Variants in TP53INP1 observed in about 807,000 individuals in gnomAD.
TP53INP1 encodes tumor protein p53-inducible nuclear protein 1.
TP53INP1 carries 12 observed loss-of-function variants against 21.0 expected under a neutral mutation model. The observed-to-expected ratio is 0.57, with a 90% CI of 0.37 to 0.93. The LOEUF (loss-of-function observed/expected upper bound fraction) is 0.93. Ranked by LOEUF, TP53INP1 falls within the 40% of genes least tolerant of loss-of-function variation. The pLI is 0.01. For synonymous variants in TP53INP1, 91 were observed against 94.8 expected, an observed-to-expected ratio of 0.96 and a Z score of 0.23; for missense variants, 274 against 294.7, an observed-to-expected ratio of 0.93 and a Z score of 0.51.
Position 94,939,501 on chromosome 8 carries a change from T to C in TP53INP1, c.473+359A>G, listed in dbSNP as rs1439244783. Among the ~76,000 whole-genome samples the C allele has an allele frequency of 6.6e-5, 10 of 152,312 alleles. No homozygotes were observed. The East Asian group carries it at 1.7e-3, about 26-fold the overall frequency. On this transcript the variant is annotated intron_variant, in intron 3 of 3. Transcript: ENST00000342697. ...AACCTCTGCCTCCTGGTTCAAGCCATCCTCCCACCTCAGCCTCCTGAGTAG... is the reference window on the plus strand; with the variant it reads ...AACCTCTGCCTCCTGGTTCAAGCCACCCTCCCACCTCAGCCTCCTGAGTAG...
intron 1 of TP53INP1, chr8:94,945,679 A>G (rs988340495): frequency 1.3e-5 from 2 of 152,218 alleles, no homozygotes; most frequent in African/African-American, 4.8e-5. Context: ...TAATATTCAC[A>G]ATGCTAGGGC....
intron 1 of TP53INP1, among the ~76,000 whole-genome samples, chr8:94,946,712 A>AAAAAAAAAAAAAAAAAAAAC (rs1563736816): frequency 6.7e-6 from 1 of 148,312 alleles, no homozygotes. Context: ...AAAAAAAAAA[A>AAAAAAAAAAAAAAAAAAAAC]AAAAAAAAGA....
intron 1 of TP53INP1, 53 bp from the exon 2 acceptor site, chr8:94,941,144 C>T: frequency 1.8e-6 from 1 of 559,944 alleles, no homozygotes; most frequent in Non-Finnish European, 3.2e-6. Context: ...CACATATATA[C>T]ATAAGTACAT....
intron 1 of TP53INP1, among the ~76,000 whole-genome samples, chr8:94,942,282 C>T (rs560547531): frequency 1.4e-4 from 21 of 152,062 alleles, no homozygotes; most frequent in Non-Finnish European, 2.2e-4. Context: ...CCTCATGATC[C>T]GCCCACCTCA....
At chr8:94,943,473 C>T (rs10112447) in intron 1 of TP53INP1, among the ~76,000 whole-genome samples, 93,537 of 151,998 alleles carry the variant, frequency 0.62, 30,001 homozygotes, top group East Asian at 0.79. Flanking sequence ...AGTGACACAG[C>T]GAGACCTTGT....
chr8:94,938,123 T>A (rs993766224), intron 3 of TP53INP1, among the ~76,000 whole-genome samples: 12 of 152,218 alleles, frequency 7.9e-5, no homozygotes, highest in Non-Finnish European at 1.6e-4. Flanking sequence ...TAAGCTCAGG[T>A]ATACCAGATG....
intron 3 of TP53INP1, among the ~76,000 whole-genome samples, chr8:94,938,845 G>A (rs1011795): frequency 0.62 from 94,599 of 152,114 alleles, 30,444 homozygotes; most frequent in East Asian, 0.79. Flanking sequence ...GGAAGGGGTC[G>A]TGGGAACACC....
At chr8:94,937,348 G>C (rs1465948610) in intron 3 of TP53INP1, among the ~76,000 whole-genome samples, 1 of 151,684 alleles carries the variant, frequency 6.6e-6, no homozygotes, top group Non-Finnish European at 1.5e-5. Context: ...GGCTGAGAAA[G>C]GAGAATCACT....
intron 3 of TP53INP1, chr8:94,932,039 T>TA (rs769926486): frequency 5.6e-6 from 9 of 1,600,994 alleles, no homozygotes; most frequent in Non-Finnish European, 6.8e-6. Flanking sequence ...TGCATACATA[T>TA]ATCACACAGT....
rs1443933236 is a variant in TP53INP1, at chr8:94,949,358, T to C, written c.-355A>G. Reference sequence around the variant, plus strand: ...AGGCCGGCCAGTCCAAGTCCTTTTGTTGTTGTGCAGCGCTCGCAACAGCTG... The same window carrying C: ...AGGCCGGCCAGTCCAAGTCCTTTTGCTGTTGTGCAGCGCTCGCAACAGCTG... On this transcript the variant is annotated 5_prime_UTR_variant, in exon 1 of 4. Coordinates refer to ENST00000342697, the MANE Select transcript of TP53INP1 (RefSeq NM_033285.4). 2.0e-5 allele frequency: 3 copies of C among 150,470 alleles called. No homozygotes were observed. In the East Asian group the frequency reaches 5.9e-4, roughly 30 times the overall value. The allele number at this position is 150,470 out of a possible 1,614,324, so 9.3% of individuals were successfully genotyped here.
In TP53INP1 at chr8:94,940,027, T is replaced by C; in HGVS notation, c.306A>G (p.Pro102=). The change falls in exon 3 of 4, where the codon CCA becomes CCG. Residue 102 remains proline (P), a synonymous_variant. Transcript: ENST00000342697. Reference sequence around the variant, plus strand: ...TGGTTAATCCACCTGCAGTAAAACATGGGGGTGGGGTGATAAACCAGCTCT... The same window carrying C: ...TGGTTAATCCACCTGCAGTAAAACACGGGGGTGGGGTGATAAACCAGCTCT... The part of the protein sequence containing the change: ...MEESWFITPP[P]CFTAGGLTTI... 5.0e-6 allele frequency: 8 copies of C among 1,614,092 alleles called. No individual in the cohort carries two copies. The highest frequency in any genetic ancestry group is 6.8e-6 in the Non-Finnish European group (8 of 1,180,014).
Position 94,948,830 on chromosome 8 carries a change from G to C in TP53INP1, c.-151+324C>G, listed in dbSNP as rs548749470. Among the ~76,000 whole-genome samples, 8 of 152,188 alleles carry C rather than the reference G, an allele frequency of 5.3e-5. No individual in the cohort carries two copies. In the East Asian group the frequency reaches 9.7e-4, roughly 18 times the overall value. On this transcript the variant is annotated intron_variant, in intron 1 of 3. Coordinates refer to ENST00000342697, the MANE Select transcript of TP53INP1 (RefSeq NM_033285.4). ...GCGGCCAAGAAAACAAGCCACGCTC[G>C]GGGGAGGAGGCAGAGACCAAACTCC...
intron 3 of TP53INP1, among the ~76,000 whole-genome samples, chr8:94,935,639 G>A (rs1820906913): frequency 2.6e-5 from 4 of 152,156 alleles, no homozygotes; most frequent in Non-Finnish European, 4.4e-5. Flanking sequence ...AAATGGTCGG[G>A]GTGGTGAAGA....
At chr8:94,939,047 G>A (rs968175766) in intron 3 of TP53INP1, among the ~76,000 whole-genome samples, 2 of 152,158 alleles carry the variant, frequency 1.3e-5, no homozygotes, top group Non-Finnish European at 2.9e-5. Flanking sequence ...CTGTTTGCCT[G>A]GTGTGTGGAA....
intron 1 of TP53INP1, chr8:94,945,364 T>C (rs1341521866): frequency 6.6e-6 from 1 of 152,214 alleles, no homozygotes; most frequent in African/African-American, 2.4e-5. Flanking sequence ...AAAAAATAAT[T>C]TTAGTATATT....
At position 94,940,910 on chromosome 8, in the gene TP53INP1, C is replaced by T; in HGVS notation, c.32G>A (p.Gly11Asp). Reference protein sequence around the residue: MFQRLNKMFVGEVSSSSNQEP... With the variant: MFQRLNKMFVDEVSSSSNQEP... ...TTGGTTGGAGGAAGAACTGACTTCACCCACAAACATTTTATTCAGCCTCTG... is the reference window on the plus strand; with the variant it reads ...TTGGTTGGAGGAAGAACTGACTTCATCCACAAACATTTTATTCAGCCTCTG... The change falls in exon 2 of 4, where the codon GGT (glycine) becomes GAT (aspartate). Residue 11 changes from glycine (G) to aspartate (D), a missense_variant. Transcript: ENST00000342697. The T allele has an allele frequency of 2.5e-6, 4 of 1,613,822 alleles. No individual in the cohort carries two copies. The highest frequency in any genetic ancestry group is 2.5e-6 in the Non-Finnish European group (3 of 1,179,924).
chr8:94,948,575 C>T (rs1049728169), intron 1 of TP53INP1, among the ~76,000 whole-genome samples: 3 of 152,122 alleles, frequency 2.0e-5, no homozygotes, highest in African/African-American at 7.2e-5. Flanking sequence ...TCCCCATAGC[C>T]GCAGGGCCTC....
intron 1 of TP53INP1, among the ~76,000 whole-genome samples, chr8:94,946,696 CAAAAAAAAAAAAAAA>C (rs71273438): frequency 2.9e-5 from 1 of 34,696 alleles, no homozygotes; most frequent in East Asian, 1.2e-3. Flanking sequence ...GACCCTGTCT[CAAAAAAAAAAAAAAA>C]AAAAAAAAAG....
intron 1 of TP53INP1, 22 bp downstream of exon 1, chr8:94,949,132 C>T (rs1449953385): frequency 1.7e-5 from 2 of 118,936 alleles, no homozygotes; most frequent in Non-Finnish European, 3.9e-5. Flanking sequence ...CGGACGCCCG[C>T]CCGCCCCCCC....
Sources: allele counts gnomAD v4.1 joint callset (sites outside exome capture counted in the v4.1 genomes callset), GRCh38; gene constraint gnomAD v4.1.1; transcripts MANE v1.5; gene names NCBI Gene and HGNC (gene_info 2026-07-23, HGNC 2026-07-21).